Variants in TMEM117 observed in about 807,000 individuals in gnomAD.
TMEM117 encodes the protein transmembrane protein 117.
A neutral mutation model predicts 52.4 loss-of-function variants in TMEM117; 27 were observed. The ratio of observed to expected loss-of-function variants is 0.51; its 90% CI spans 0.38 to 0.71. The LOEUF (loss-of-function observed/expected upper bound fraction) is 0.71, where lower values mean the gene tolerates loss of function less well. TMEM117 is among the 30% of genes least tolerant of loss of function. The pLI is 0.00. For synonymous variants in TMEM117, 215 were observed against 206.3 expected (o/e 1.04, Z -0.36); for missense variants, 556 against 630.5 (o/e 0.88, Z 1.26).
chr12:44,106,681 T>C (rs1161300384), intron 3 of TMEM117, among the ~76,000 whole-genome samples: 1 of 151,984 alleles, frequency 6.6e-6, no homozygotes, highest in Non-Finnish European at 1.5e-5. Flanking sequence ...TAAACAAAAT[T>C]ATGTATCTGG....
At chr12:44,107,719 A>C (rs1947984101) in intron 3 of TMEM117, among the ~76,000 whole-genome samples, 1 of 152,170 alleles carries the variant, frequency 6.6e-6, no homozygotes, top group South Asian at 2.1e-4. Flanking sequence ...TCCACAAGAA[A>C]CATTATTTTA....
At chr12:43,891,652 C>CACT (rs1944108173) in intron 2 of TMEM117, among the ~76,000 whole-genome samples, 1 of 151,986 alleles carries the variant, frequency 6.6e-6, no homozygotes, top group African/African-American at 2.4e-5. Context: ...AGGCATGAGC[C>CACT]ACTGCGCCCA....
intron 5 of TMEM117, among the ~76,000 whole-genome samples, chr12:44,298,615 A>T (rs531670560): frequency 3.3e-5 from 5 of 150,664 alleles, no homozygotes; most frequent in Non-Finnish European, 7.3e-5. Flanking sequence ...AGTTTCAACT[A>T]ACCCTCATTG....
At chr12:44,315,517 G>T (rs536773667) in intron 6 of TMEM117, among the ~76,000 whole-genome samples, 14 of 152,220 alleles carry the variant, frequency 9.2e-5, no homozygotes, top group African/African-American at 3.1e-4. Flanking sequence ...CCCAAAAATT[G>T]TTCAGAGAAA....
chr12:43,906,536 G>A (rs947632982), intron 2 of TMEM117, among the ~76,000 whole-genome samples: 10 of 152,176 alleles, frequency 6.6e-5, no homozygotes, highest in Non-Finnish European at 1.3e-4. Flanking sequence ...AGCTCCCAGC[G>A]TGAGCGATGT....
At chr12:43,997,541 T>A (rs1946051080) in intron 3 of TMEM117, among the ~76,000 whole-genome samples, 1 of 152,200 alleles carries the variant, frequency 6.6e-6, no homozygotes, top group South Asian at 2.1e-4. Flanking sequence ...TGCTTCTTCC[T>A]TTGCATCCTC....
intron 6 of TMEM117, among the ~76,000 whole-genome samples, chr12:44,311,839 GTA>G (rs759926704): frequency 8.8e-4 from 47 of 53,306 alleles, no homozygotes; most frequent in African/African-American, 3.0e-3. Flanking sequence ...ATGTATATAT[GTA>G]TATATATGTA....
At chr12:44,205,040 A>G (rs1026589678) in intron 4 of TMEM117, among the ~76,000 whole-genome samples, 11 of 152,206 alleles carry the variant, frequency 7.2e-5, no homozygotes, top group African/African-American at 2.7e-4. Context: ...ACCAAAACAA[A>G]AATGGACATG....
At chr12:44,166,865 T>A (rs1478251915) in intron 4 of TMEM117, among the ~76,000 whole-genome samples, 1 of 152,224 alleles carries the variant, frequency 6.6e-6, no homozygotes, top group African/African-American at 2.4e-5. Flanking sequence ...TGTTATCAAA[T>A]ATGAAAATAT....
At chr12:44,153,423 A>G (rs1948783540) in intron 4 of TMEM117, among the ~76,000 whole-genome samples, 1 of 151,980 alleles carries the variant, frequency 6.6e-6, no homozygotes. Context: ...TTTTCTGCTT[A>G]CATGTCAATT....
At chr12:44,017,696 G>A (rs1946394204) in intron 3 of TMEM117, among the ~76,000 whole-genome samples, 1 of 152,056 alleles carries the variant, frequency 6.6e-6, no homozygotes, top group Admixed American at 6.6e-5. Flanking sequence ...TAGACACTAT[G>A]TTACCCTCTC....
At chr12:43,901,495 A>G (rs1004737203) in intron 2 of TMEM117, among the ~76,000 whole-genome samples, 4 of 151,910 alleles carry the variant, frequency 2.6e-5, no homozygotes, top group Non-Finnish European at 4.4e-5. Flanking sequence ...GTTTTTAGTA[A>G]GAGACGGGGT....
intron 5 of TMEM117, among the ~76,000 whole-genome samples, chr12:44,290,828 G>A (rs1798025): frequency 0.22 from 32,963 of 151,810 alleles, 6,427 homozygotes; most frequent in African/African-American, 0.53. Context: ...ATATATAAAA[G>A]CGAGGTCTCA....
chr12:43,934,616 C>T (rs973367443), intron 2 of TMEM117, among the ~76,000 whole-genome samples: 37 of 151,802 alleles, frequency 2.4e-4, no homozygotes, highest in African/African-American at 7.0e-4. Flanking sequence ...TTTATAGAAC[C>T]TCTTTTGAAT....
intron 3 of TMEM117, among the ~76,000 whole-genome samples, chr12:43,983,839 T>TCAA (rs1307630205): frequency 6.6e-6 from 1 of 151,952 alleles, no homozygotes; most frequent in African/African-American, 2.4e-5. Flanking sequence ...TCTATGGGAC[T>TCAA]CAACAAGCAT....
chr12:43,894,209 C>T, intron 2 of TMEM117, among the ~76,000 whole-genome samples: 1 of 152,182 alleles, frequency 6.6e-6, no homozygotes, highest in East Asian at 1.9e-4. Flanking sequence ...ACCTTGGGGA[C>T]AGCTACCAAA....
At chr12:44,295,284 A>G (rs1244911039) in intron 5 of TMEM117, among the ~76,000 whole-genome samples, 1 of 152,050 alleles carries the variant, frequency 6.6e-6, no homozygotes, top group African/African-American at 2.4e-5. Context: ...GCTCACTGCA[A>G]CCTTTGCCTC....
intron 3 of TMEM117, among the ~76,000 whole-genome samples, chr12:43,977,595 T>C (rs1592409331): frequency 1.3e-5 from 2 of 152,278 alleles, no homozygotes; most frequent in South Asian, 4.1e-4. Flanking sequence ...AAATTAAAGG[T>C]AAATAAGGCT....
At chr12:44,151,014 A>G (rs1251986174) in intron 4 of TMEM117, among the ~76,000 whole-genome samples, 4 of 152,154 alleles carry the variant, frequency 2.6e-5, no homozygotes, top group Admixed American at 6.6e-5. Context: ...ATTTATATTC[A>G]TTTATTAAAA....
Sources: allele counts gnomAD v4.1 joint callset (sites outside exome capture counted in the v4.1 genomes callset), GRCh38; gene constraint gnomAD v4.1.1; transcripts MANE v1.5; gene names NCBI Gene and HGNC (gene_info 2026-07-23, HGNC 2026-07-21).